Variants in LOC128462377 observed in about 807,000 individuals in gnomAD.
At chr16:89,359,676 C>T in the LOC128462377 span, among the ~76,000 whole-genome samples, 1 of 152,348 alleles carries the variant, frequency 6.6e-6, no homozygotes, top group African/African-American at 2.4e-5. Flanking sequence ...TCTGCCTCTC[C>T]ACACTGAAGC....
At chr16:89,322,753 G>A in the LOC128462377 span, among the ~76,000 whole-genome samples, 6 of 152,380 alleles carry the variant, frequency 3.9e-5, no homozygotes, top group East Asian at 5.8e-4. Flanking sequence ...CTCCCACGTC[G>A]GCCCTGGGCA....
At chr16:89,319,239 T>C in the LOC128462377 span, among the ~76,000 whole-genome samples, 1 of 152,050 alleles carries the variant, frequency 6.6e-6, no homozygotes, top group Non-Finnish European at 1.5e-5. Flanking sequence ...CTCCGGACGG[T>C]GTCTGGGCCC....
the LOC128462377 span, among the ~76,000 whole-genome samples, chr16:89,395,191 G>T: frequency 4.6e-5 from 7 of 152,220 alleles, no homozygotes; most frequent in African/African-American, 1.7e-4. Context: ...TTAGAGGCTT[G>T]GTCAATTTTA....
chr16:89,365,188 T>A, the LOC128462377 span, among the ~76,000 whole-genome samples: 1 of 152,254 alleles, frequency 6.6e-6, no homozygotes, highest in Non-Finnish European at 1.5e-5. Context: ...TGTCCAGTGA[T>A]GACTATCTTG....
chr16:89,406,880 C>T, the LOC128462377 span, among the ~76,000 whole-genome samples: 1 of 152,168 alleles, frequency 6.6e-6, no homozygotes, highest in African/African-American at 2.4e-5. Flanking sequence ...GACAAATCAG[C>T]AACATTAAGA....
At chr16:89,327,925 C>G in the LOC128462377 span, among the ~76,000 whole-genome samples, 1 of 152,246 alleles carries the variant, frequency 6.6e-6, no homozygotes, top group Non-Finnish European at 1.5e-5. Flanking sequence ...CTTTGAAAGA[C>G]CTAGTTTAAA....
the LOC128462377 span, among the ~76,000 whole-genome samples, chr16:89,333,867 G>A: frequency 6.6e-6 from 1 of 152,174 alleles, no homozygotes; most frequent in Non-Finnish European, 1.5e-5. Context: ...TATTCTGTGA[G>A]TATGTTCCCA....
chr16:89,397,095 T>A, the LOC128462377 span, among the ~76,000 whole-genome samples: 2 of 152,144 alleles, frequency 1.3e-5, no homozygotes, highest in Non-Finnish European at 2.9e-5. Flanking sequence ...TTGGAATTGG[T>A]ATACAGACAT....
chr16:89,328,472 G>A, the LOC128462377 span, among the ~76,000 whole-genome samples: 2 of 152,248 alleles, frequency 1.3e-5, no homozygotes, highest in African/African-American at 4.8e-5. Flanking sequence ...CCTCGAAACT[G>A]GGTTTCATTC....
At chr16:89,321,923 G>A in the LOC128462377 span, among the ~76,000 whole-genome samples, 1 of 152,230 alleles carries the variant, frequency 6.6e-6, no homozygotes, top group East Asian at 1.9e-4. Context: ...AAAGCCATTC[G>A]TGGAGACCCG....
the LOC128462377 span, among the ~76,000 whole-genome samples, chr16:89,382,011 C>G: frequency 6.6e-6 from 1 of 152,174 alleles, no homozygotes; most frequent in African/African-American, 2.4e-5. Flanking sequence ...CTTTACAAAC[C>G]GTGCAAGCAG....
chr16:89,371,968 A>G, the LOC128462377 span, among the ~76,000 whole-genome samples: 3 of 152,234 alleles, frequency 2.0e-5, no homozygotes, highest in Admixed American at 1.3e-4. Flanking sequence ...GCTGGAAGAA[A>G]GAACCCACAG....
At chr16:89,396,078 A>G in the LOC128462377 span, 3 of 152,244 alleles carry the variant, frequency 2.0e-5, no homozygotes, top group African/African-American at 7.2e-5. Flanking sequence ...AATGAAGGAA[A>G]GACAGCTGCA....
chr16:89,375,504 G>A, the LOC128462377 span, among the ~76,000 whole-genome samples: 5 of 151,908 alleles, frequency 3.3e-5, no homozygotes, highest in African/African-American at 1.2e-4. Context: ...TTGTCGCCCG[G>A]GCTGGAGTGC....
At chr16:89,396,873 G>A in the LOC128462377 span, among the ~76,000 whole-genome samples, 2 of 152,168 alleles carry the variant, frequency 1.3e-5, no homozygotes, top group South Asian at 2.1e-4. Flanking sequence ...TTTTAGTAAA[G>A]ACGGGGTTTC....
At chr16:89,404,203 T>C in the LOC128462377 span, among the ~76,000 whole-genome samples, 9 of 152,024 alleles carry the variant, frequency 5.9e-5, no homozygotes, top group Non-Finnish European at 1.0e-4. Flanking sequence ...CAGCATGGGG[T>C]TGAGAGGGGA....
At chr16:89,412,732 T>C in the LOC128462377 span, among the ~76,000 whole-genome samples, 2 of 152,216 alleles carry the variant, frequency 1.3e-5, no homozygotes, top group Non-Finnish European at 2.9e-5. Flanking sequence ...TTAAGCCAGC[T>C]GTAAAAAATG....
the LOC128462377 span, among the ~76,000 whole-genome samples, chr16:89,371,307 CAAAT>C: frequency 4.6e-5 from 7 of 152,294 alleles, no homozygotes; most frequent in Admixed American, 3.9e-4. Context: ...AGAACAGAAA[CAAAT>C]AAAGAATAAG....
At chr16:89,341,528 G>A in the LOC128462377 span, among the ~76,000 whole-genome samples, 4 of 152,132 alleles carry the variant, frequency 2.6e-5, no homozygotes, top group East Asian at 5.8e-4. Context: ...AGTGACACCA[G>A]CTGATTTCTG....
Sources: allele counts gnomAD v4.1 joint callset (sites outside exome capture counted in the v4.1 genomes callset), GRCh38; gene constraint gnomAD v4.1.1; transcripts MANE v1.5.